EPM2A: variants seen among roughly 807,000 people sequenced by gnomAD.
EPM2A encodes the protein EPM2A glucan phosphatase, laforin.
In EPM2A, 21 loss-of-function variants were observed where a neutral mutation model predicts 26.5. The ratio of observed to expected loss-of-function variants is 0.79; its 90% CI spans 0.56 to 1.14. The LOEUF (loss-of-function observed/expected upper bound fraction) is 1.14. EPM2A is among the 50% of genes most tolerant of loss of function. EPM2A has a pLI of 0.00. For synonymous variants in EPM2A, 217 were observed against 177.6 expected (o/e 1.22, Z -1.76); for missense variants, 458 against 440.8 (o/e 1.04, Z -0.35).
chr6:145,718,316 A>G (rs1043522675), intron 1 of EPM2A, among the ~76,000 whole-genome samples: 1 of 146,384 alleles, frequency 6.8e-6, no homozygotes, highest in Non-Finnish European at 1.5e-5. Flanking sequence ...ATAACGCCAC[A>G]TATCTACAAC....
At position 145,625,476 on chromosome 6, in the gene EPM2A, T is replaced by C. The variant is rs138798803; in HGVS notation, c.*1940A>G. The C allele has an allele frequency of 4.4e-4, 239 of 542,622 alleles. No homozygotes were observed. The highest frequency in any genetic ancestry group is 6.9e-4 in the Non-Finnish European group (210 of 305,612). The allele number at this position is 542,622 out of a possible 1,614,324, so 33.6% of individuals were successfully genotyped here. ...AGGTAAAAATCCACCTGAAAAAAGATCTTTGTATCATGGAAATTATGAAGC... is the reference window on the plus strand; with the variant it reads ...AGGTAAAAATCCACCTGAAAAAAGACCTTTGTATCATGGAAATTATGAAGC... On this transcript the variant is annotated 3_prime_UTR_variant, in exon 4 of 4. Coordinates refer to ENST00000367519, the MANE Select transcript of EPM2A (RefSeq NM_005670.4).
rs151172313 is a variant in EPM2A at position 145,662,879 on chromosome 6, G to A, written c.476+23243C>T. On this transcript the variant is annotated intron_variant, in intron 2 of 3. Coordinates refer to ENST00000367519, the MANE Select transcript of EPM2A (RefSeq NM_005670.4). ...CCTTTTACAGGTGGTCTAGGAGGAG[G>A]TTCAGGGACCTGACTAAAGTTTGGC... Among the ~76,000 whole-genome samples, 506 of 152,200 alleles carry A rather than the reference G, an allele frequency of 3.3e-3. 1 individual carries two copies. Among genetic ancestry groups the A allele is most frequent in the African/African-American group, 0.01 (427 of 41,542 alleles).
At chr6:145,607,589 T>C (rs1775289352) in intron 2 of EPM2A, among the ~76,000 whole-genome samples, 1 of 151,254 alleles carries the variant, frequency 6.6e-6, no homozygotes, top group Admixed American at 6.6e-5. Context: ...AGTCAAGGAG[T>C]CTGGGAAAAG....
At chr6:145,387,451 C>T (rs1778277975) in intron 4 of EPM2A, among the ~76,000 whole-genome samples, 1 of 152,072 alleles carries the variant, frequency 6.6e-6, no homozygotes, top group African/African-American at 2.4e-5. Flanking sequence ...TTCCAGATGC[C>T]ATCTCTTCTT....
At chr6:145,558,998 G>T (rs1780769556) in intron 2 of EPM2A, among the ~76,000 whole-genome samples, 1 of 152,046 alleles carries the variant, frequency 6.6e-6, no homozygotes, top group Non-Finnish European at 1.5e-5. Context: ...GAGGAGAGAT[G>T]GTCATTATTT....
intron 2 of EPM2A, among the ~76,000 whole-genome samples, chr6:145,683,280 T>A (rs1397544431): frequency 6.7e-6 from 1 of 148,650 alleles, no homozygotes; most frequent in East Asian, 2.0e-4. Context: ...TGTGTGTGTG[T>A]GTGTGTGTGT....
intron 2 of EPM2A, among the ~76,000 whole-genome samples, chr6:145,611,020 T>C (rs1189818094): frequency 1.3e-5 from 2 of 152,234 alleles, no homozygotes; most frequent in African/African-American, 2.4e-5. Flanking sequence ...TATAATGAGC[T>C]ACAGGAAAAT....
intron 4 of EPM2A, among the ~76,000 whole-genome samples, chr6:145,395,516 GA>G (rs992597752): frequency 6.6e-6 from 1 of 151,930 alleles, no homozygotes; most frequent in African/African-American, 2.4e-5. Flanking sequence ...TAAATCTACT[GA>G]AAAAACAACG....
intron 2 of EPM2A, among the ~76,000 whole-genome samples, chr6:145,577,098 T>A (rs759701959): frequency 6.7e-6 from 1 of 148,952 alleles, no homozygotes; most frequent in African/African-American, 2.5e-5. Flanking sequence ...TACGCACAAA[T>A]AAAGATAGCA....
intron 2 of EPM2A, among the ~76,000 whole-genome samples, chr6:145,612,761 A>T (rs1021165100): frequency 9.5e-5 from 14 of 147,076 alleles, no homozygotes; most frequent in Non-Finnish European, 1.7e-4. Context: ...TATGTATTTT[A>T]TATATATATA....
At chr6:145,416,043 C>T (rs1027612250) in intron 4 of EPM2A, among the ~76,000 whole-genome samples, 2 of 152,164 alleles carry the variant, frequency 1.3e-5, no homozygotes, top group African/African-American at 4.8e-5. Flanking sequence ...GCATCACCAC[C>T]GACTCCCAGC....
In EPM2A at chr6:145,626,955, C is replaced by T; in HGVS notation, c.*461G>A. On this transcript the variant is annotated 3_prime_UTR_variant, in exon 4 of 4. Transcript: ENST00000367519. The stretch of plus-strand genomic sequence containing the variant: ...TCTTCTTTTGTAACGGTTCAGGCTT[C>T]TAACCTTATTTCCTCCTTTGGCAAC... 9.6e-7 allele frequency: 1 copy of T among 1,041,860 alleles called. No homozygotes were observed. The highest frequency in any genetic ancestry group is 3.5e-5 in the South Asian group (1 of 28,482). 64.5% of individuals were successfully genotyped at this position (1,041,860 alleles called of 1,614,324 possible).
At chr6:145,478,789 G>A (rs558260613) in intron 4 of EPM2A, among the ~76,000 whole-genome samples, 7 of 151,680 alleles carry the variant, frequency 4.6e-5, no homozygotes, top group South Asian at 2.1e-4. Context: ...ATTTGAAACC[G>A]TGTATGTTTT....
At chr6:145,669,688 T>C (rs559054919) in intron 2 of EPM2A, among the ~76,000 whole-genome samples, 2 of 152,284 alleles carry the variant, frequency 1.3e-5, no homozygotes, top group African/African-American at 2.4e-5. Context: ...TAGCGTCACA[T>C]AGAAAACCCT....
chr6:145,734,230 G>C (rs1776679177), intron 1 of EPM2A, among the ~76,000 whole-genome samples: 1 of 152,090 alleles, frequency 6.6e-6, no homozygotes, highest in Non-Finnish European at 1.5e-5. Context: ...AGAATAATTT[G>C]TTGCCATTTA....
chr6:145,558,736 A>C (rs997021526), intron 2 of EPM2A, among the ~76,000 whole-genome samples: 6 of 149,100 alleles, frequency 4.0e-5, no homozygotes, highest in Admixed American at 1.3e-4. Flanking sequence ...CAGAATTTAG[A>C]CTTTAATAAG....
chr6:145,474,899 C>A (rs929065730), intron 4 of EPM2A, among the ~76,000 whole-genome samples: 1 of 152,064 alleles, frequency 6.6e-6, no homozygotes. Flanking sequence ...TAGAGAAATG[C>A]AAATCAAAAC....
intron 4 of EPM2A, among the ~76,000 whole-genome samples, chr6:145,422,513 T>C (rs185717189): frequency 6.8e-4 from 103 of 151,572 alleles, no homozygotes; most frequent in African/African-American, 2.4e-3. Context: ...TATCTTTGTG[T>C]CACTGGAAAC....
chr6:145,635,297 C>A lies in EPM2A; in HGVS notation c.666G>T (p.Arg222Ser). Reference protein sequence around the residue: ...MTPDTMIKLYREEGLAYIWMP... With the variant: ...MTPDTMIKLYSEEGLAYIWMP... The stretch of plus-strand genomic sequence containing the variant: ...TCCAGATGTAGGCCAAGCCTTCTTC[C>A]CTATATAGTTTAATCATAGTGTCTG... The change falls in exon 3 of 4, where the codon AGG becomes AGT. Residue 222 changes from arginine to serine, a missense_variant. Transcript: ENST00000367519. 6.2e-7 allele frequency: 1 copy of A among 1,614,126 alleles called. No homozygotes were observed. Among genetic ancestry groups the A allele is most frequent in the Non-Finnish European group, 8.5e-7 (1 of 1,180,012 alleles).
Sources: gnomAD v4.1 joint callset for allele counts (sites outside exome capture counted in the v4.1 genomes callset) on GRCh38, gnomAD v4.1.1 for gene constraint, MANE v1.5 for transcripts, NCBI Gene and HGNC (gene_info 2026-07-23, HGNC 2026-07-21) for gene names.